SMAP1: variants seen among roughly 807,000 people sequenced by gnomAD.
SMAP1 encodes the protein stromal membrane-associated protein 1.
A neutral mutation model predicts 58.5 loss-of-function variants in SMAP1; 24 were observed. That is an observed-to-expected ratio of 0.41 (90% CI 0.30 to 0.58). The LOEUF (loss-of-function observed/expected upper bound fraction) is 0.58, where lower values mean the gene tolerates loss of function less well. Among genes scored for constraint, SMAP1 ranks in the 20% least tolerant of loss-of-function variants. The pLI is 0.29. For synonymous variants in SMAP1, 216 were observed against 196.6 expected, an observed-to-expected ratio of 1.10 and a Z score of -0.82; for missense variants, 563 against 566.3, an observed-to-expected ratio of 0.99 and a Z score of 0.06.
At chr6:70,852,398 G>T (rs1771218298) in intron 7 of SMAP1, 142 bp from the exon 8 acceptor site, 4 of 739,818 alleles carry the variant, frequency 5.4e-6, no homozygotes, top group Non-Finnish European at 7.8e-6. Flanking sequence ...AGGGGATCGG[G>T]GGTAGGTAGA....
chr6:70,713,950 G>A (rs1768161317), intron 1 of SMAP1, among the ~76,000 whole-genome samples: 1 of 152,054 alleles, frequency 6.6e-6, no homozygotes, highest in Non-Finnish European at 1.5e-5. Context: ...GTTTACAATT[G>A]TTATATCTTC....
In SMAP1 at chr6:70,690,179, TA is replaced by T. The variant is rs144123918; in HGVS notation, c.118+22039del. ...ATCTTTTATGTAAAAGTCTTACAGATACCTTTTATCAAGTTGAGGAAATTTC... is the reference window on the plus strand; with the variant it reads ...ATCTTTTATGTAAAAGTCTTACAGATCCTTTTATCAAGTTGAGGAAATTTC... On this transcript the variant is annotated intron_variant, in intron 1 of 10. Coordinates refer to ENST00000370455, the MANE Select transcript of SMAP1 (RefSeq NM_001044305.3). 5.2e-3 allele frequency among the ~76,000 whole-genome samples: 796 copies of T among 152,344 alleles called. 7 individuals carry two copies. Among genetic ancestry groups the T allele is most frequent in the African/African-American group, 0.018 (764 of 41,586 alleles).
At chr6:70,729,459 T>TTGTGTGTGTGTG (rs35058846) in intron 1 of SMAP1, among the ~76,000 whole-genome samples, 23,023 of 127,832 alleles carry the variant, frequency 0.18, 2,280 homozygotes, top group Non-Finnish European at 0.23. Context: ...AAAAAGAAGG[T>TTGTGTGTGTGTG]TGTGTGTGTG....
At chr6:70,811,997 A>G (rs1476041598) in intron 6 of SMAP1, among the ~76,000 whole-genome samples, 1 of 152,196 alleles carries the variant, frequency 6.6e-6, no homozygotes, top group African/African-American at 2.4e-5. Context: ...GGACAAAGGG[A>G]TGATTCACAT....
intron 7 of SMAP1, among the ~76,000 whole-genome samples, chr6:70,847,543 G>A (rs1771038858): frequency 6.6e-6 from 1 of 152,086 alleles, no homozygotes; most frequent in Non-Finnish European, 1.5e-5. Flanking sequence ...CCTTTAAGAT[G>A]GAAATCCCAT....
At chr6:70,683,015 C>T (rs749915298) in intron 1 of SMAP1, among the ~76,000 whole-genome samples, 11 of 151,868 alleles carry the variant, frequency 7.2e-5, no homozygotes, top group East Asian at 5.9e-4. Flanking sequence ...TCCAACCTGG[C>T]GACAGAGTGA....
At chr6:70,782,212 A>G (rs1233446101) in intron 4 of SMAP1, among the ~76,000 whole-genome samples, 1 of 152,244 alleles carries the variant, frequency 6.6e-6, no homozygotes, top group Non-Finnish European at 1.5e-5. Context: ...TACAAAATAA[A>G]TTCTAAATTT....
chr6:70,738,190 G>C (rs1030279715), intron 2 of SMAP1, among the ~76,000 whole-genome samples: 1 of 152,102 alleles, frequency 6.6e-6, no homozygotes, highest in Admixed American at 6.5e-5. Flanking sequence ...TGTTTTAGTT[G>C]TATAGTCAGT....
chr6:70,796,191 G>T (rs1013493680), intron 5 of SMAP1, among the ~76,000 whole-genome samples: 3 of 152,176 alleles, frequency 2.0e-5, no homozygotes, highest in African/African-American at 7.2e-5. Flanking sequence ...TCATAAAGTT[G>T]TTGTGAGGAT....
chr6:70,814,974 A>C (rs1769556000), intron 6 of SMAP1, among the ~76,000 whole-genome samples: 1 of 152,158 alleles, frequency 6.6e-6, no homozygotes, highest in Non-Finnish European at 1.5e-5. Flanking sequence ...CAAAGGATGG[A>C]CAGATATGGA....
At chr6:70,840,956 C>T (rs1770778502) in intron 7 of SMAP1, among the ~76,000 whole-genome samples, 2 of 152,094 alleles carry the variant, frequency 1.3e-5, no homozygotes, top group Non-Finnish European at 2.9e-5. Context: ...CTTCGGGTCC[C>T]CTTACTTAGG....
intron 1 of SMAP1, among the ~76,000 whole-genome samples, chr6:70,720,031 A>T (rs1488227985): frequency 6.6e-6 from 1 of 152,158 alleles, no homozygotes; most frequent in East Asian, 1.9e-4. Flanking sequence ...TTCAGCATTA[A>T]CCAAAAAGTC....
intron 1 of SMAP1, among the ~76,000 whole-genome samples, chr6:70,715,874 C>G (rs1254569797): frequency 7.5e-5 from 11 of 146,066 alleles, no homozygotes; most frequent in Admixed American, 5.6e-4. Context: ...AGTATTTTAT[C>G]CCTCACCCGC....
Position 70,680,699 on chromosome 6 carries a change from AC to A in SMAP1, c.118+12559del, listed in dbSNP as rs1766664620. 6.7e-5 allele frequency among the ~76,000 whole-genome samples: 10 copies of A among 149,270 alleles called. No individual in the cohort carries two copies. The South Asian group carries it at 1.9e-3, about 28-fold the overall frequency. Reference sequence around the variant, plus strand: ...AGACAACAGAGTATACATTACAATTACATGGATTTCCTGTTTTTTTTTTTTT... The same window carrying A: ...AGACAACAGAGTATACATTACAATTAATGGATTTCCTGTTTTTTTTTTTTT... On this transcript the variant is annotated intron_variant, in intron 1 of 10. Coordinates refer to ENST00000370455, the MANE Select transcript of SMAP1 (RefSeq NM_001044305.3).
chr6:70,711,275 G>T (rs1467116670), intron 1 of SMAP1, among the ~76,000 whole-genome samples: 1 of 152,092 alleles, frequency 6.6e-6, no homozygotes, highest in Non-Finnish European at 1.5e-5. Context: ...AATTTGTTGT[G>T]CTACGATGTC....
In SMAP1 at chr6:70,861,692, G is replaced by A. The variant is rs560152490; in HGVS notation, c.*1358G>A. The A allele has an allele frequency of 1.2e-5, 19 of 1,614,052 alleles. No homozygotes were observed. The African/African-American group carries it at 1.3e-4, about 11-fold the overall frequency. On this transcript the variant is annotated 3_prime_UTR_variant, in exon 11 of 11. Coordinates refer to ENST00000370455, the MANE Select transcript of SMAP1 (RefSeq NM_001044305.3). ...ACCTCAATTTTCACTGTGTCCAGGT[G>A]GTACTTTGGCTCGTTGGCTAGATTA...
chr6:70,690,242 T>A (rs1043903188), intron 1 of SMAP1, among the ~76,000 whole-genome samples: 1 of 152,186 alleles, frequency 6.6e-6, no homozygotes, highest in African/African-American at 2.4e-5. Context: ...TCATCAGAAA[T>A]GTATGTTGAA....
At chr6:70,771,639 C>G (rs1767319420) in intron 3 of SMAP1, among the ~76,000 whole-genome samples, 1 of 152,168 alleles carries the variant, frequency 6.6e-6, no homozygotes, top group African/African-American at 2.4e-5. Context: ...ACCCGATTTT[C>G]CAGGTGCCGT....
chr6:70,783,799 A>T (rs1443231450), intron 4 of SMAP1, among the ~76,000 whole-genome samples: 1 of 152,268 alleles, frequency 6.6e-6, no homozygotes, highest in African/African-American at 2.4e-5. Flanking sequence ...ATATGGGACT[A>T]TGTGAAAAGA....
Sources: gnomAD v4.1 joint callset for allele counts (sites outside exome capture counted in the v4.1 genomes callset) on GRCh38, gnomAD v4.1.1 for gene constraint, MANE v1.5 for transcripts, NCBI Gene and HGNC (gene_info 2026-07-23, HGNC 2026-07-21) for gene names.